Variants in SPOCK1 observed in about 807,000 individuals in gnomAD.
SPOCK1 encodes the protein SPARC (osteonectin), cwcv and kazal like domains proteoglycan 1.
A neutral mutation model predicts 55.3 loss-of-function variants in SPOCK1; 23 were observed. That is an observed-to-expected ratio of 0.42 (90% confidence interval 0.30 to 0.59). The LOEUF (loss-of-function observed/expected upper bound fraction) is 0.59. SPOCK1 is among the 20% of genes least tolerant of loss of function. SPOCK1 has a pLI of 0.22. For missense variants in SPOCK1, 499 were observed against 552.5 expected, an observed-to-expected ratio of 0.90 and a Z score of 0.97; for synonymous variants, 226 against 221.0, an observed-to-expected ratio of 1.02 and a Z score of -0.20.
intron 2 of SPOCK1, among the ~76,000 whole-genome samples, chr5:137,287,961 C>A (rs1233751726): frequency 6.6e-6 from 1 of 152,112 alleles, no homozygotes; most frequent in Admixed American, 6.5e-5. Context: ...AAGAGGTAAT[C>A]AATAATCAAG....
At chr5:137,451,109 AG>A (rs1305307101) in intron 2 of SPOCK1, among the ~76,000 whole-genome samples, 3 of 152,124 alleles carry the variant, frequency 2.0e-5, no homozygotes, top group Non-Finnish European at 4.4e-5. Flanking sequence ...CACCCTACCC[AG>A]GACTCAAACT....
intron 4 of SPOCK1, among the ~76,000 whole-genome samples, chr5:137,138,271 A>G (rs571520434): frequency 1.3e-5 from 2 of 152,324 alleles, no homozygotes; most frequent in South Asian, 4.1e-4. Flanking sequence ...GATGAGGATT[A>G]CAATTTTCAA....
At chr5:137,451,922 T>C (rs1753262408) in intron 2 of SPOCK1, among the ~76,000 whole-genome samples, 1 of 152,258 alleles carries the variant, frequency 6.6e-6, no homozygotes, top group African/African-American at 2.4e-5. Context: ...TTCCCTTATC[T>C]AAAATGCTTG....
At position 137,452,744 on chromosome 5, in the gene SPOCK1, C is replaced by T. The variant is rs930194516; in HGVS notation, c.186+45629G>A. Among the ~76,000 whole-genome samples the T allele has an allele frequency of 4.6e-5, 7 of 152,326 alleles. No individual in the cohort carries two copies. In the East Asian group the frequency reaches 5.8e-4, roughly 13 times the overall value. Reference sequence around the variant, plus strand: ...TGCAAAAGCTATAGTTTCCCTTTTGCTTATGTGGCATCCTTGGCACATGGG... The same window carrying T: ...TGCAAAAGCTATAGTTTCCCTTTTGTTTATGTGGCATCCTTGGCACATGGG... On this transcript the variant is annotated intron_variant, in intron 2 of 10. Transcript: ENST00000394945.
chr5:137,022,324 C>T (rs59547211), intron 6 of SPOCK1, among the ~76,000 whole-genome samples: 15,239 of 152,088 alleles, frequency 0.1, 1,118 homozygotes, highest in East Asian at 0.23. Context: ...CAATGCCAAA[C>T]ATGGAAGAAT....
At chr5:137,212,525 A>G (rs1355757133) in intron 3 of SPOCK1, among the ~76,000 whole-genome samples, 1 of 152,192 alleles carries the variant, frequency 6.6e-6, no homozygotes, top group East Asian at 1.9e-4. Context: ...TGTGTCAGGC[A>G]CTGTGGATTC....
At chr5:137,020,365 T>G (rs1751541727) in intron 6 of SPOCK1, among the ~76,000 whole-genome samples, 1 of 151,710 alleles carries the variant, frequency 6.6e-6, no homozygotes, top group Non-Finnish European at 1.5e-5. Context: ...TTATCAAAAT[T>G]CAAAAAAGAC....
intron 6 of SPOCK1, among the ~76,000 whole-genome samples, chr5:137,044,139 G>A (rs1174941709): frequency 6.6e-6 from 1 of 152,222 alleles, no homozygotes; most frequent in Non-Finnish European, 1.5e-5. Context: ...GGGGAACACA[G>A]TGTTCTAAGC....
intron 3 of SPOCK1, among the ~76,000 whole-genome samples, chr5:137,173,683 G>C (rs1754798010): frequency 6.6e-6 from 1 of 152,248 alleles, no homozygotes; most frequent in Admixed American, 6.5e-5. Context: ...TAGTTTGAAT[G>C]GCATATGAGG....
chr5:137,107,593 T>C (rs1753393147), intron 5 of SPOCK1, among the ~76,000 whole-genome samples: 1 of 152,222 alleles, frequency 6.6e-6, no homozygotes, highest in African/African-American at 2.4e-5. Flanking sequence ...TCTGTGCACT[T>C]TATCTTTGAT....
chr5:137,129,416 A>G (rs1368504015), intron 4 of SPOCK1, among the ~76,000 whole-genome samples: 2 of 152,226 alleles, frequency 1.3e-5, no homozygotes, highest in African/African-American at 4.8e-5. Context: ...AAAAGAGTTT[A>G]ATGCGGAGCT....
intron 3 of SPOCK1, among the ~76,000 whole-genome samples, chr5:137,201,721 C>G (rs528471983): frequency 3.3e-4 from 50 of 152,258 alleles, no homozygotes; most frequent in African/African-American, 1.2e-3. Context: ...AAAGATAATG[C>G]TGCACCACAC....
At chr5:137,311,233 T>G (rs973638022) in intron 2 of SPOCK1, among the ~76,000 whole-genome samples, 1 of 152,156 alleles carries the variant, frequency 6.6e-6, no homozygotes, top group African/African-American at 2.4e-5. Flanking sequence ...ACAAAAGCAC[T>G]GATCCCAGAA....
intron 2 of SPOCK1, among the ~76,000 whole-genome samples, chr5:137,428,524 G>A (rs1443457338): frequency 6.6e-6 from 1 of 152,146 alleles, no homozygotes; most frequent in Non-Finnish European, 1.5e-5. Context: ...CACTGTTTGT[G>A]TCAACCATTT....
intron 6 of SPOCK1, among the ~76,000 whole-genome samples, chr5:137,032,285 G>C (rs1304100640): frequency 1.3e-5 from 2 of 152,122 alleles, no homozygotes; most frequent in Non-Finnish European, 2.9e-5. Context: ...CAGTAGGTTA[G>C]CGTGGCTTCA....
intron 6 of SPOCK1, among the ~76,000 whole-genome samples, chr5:137,062,809 CTTTA>C (rs1752419033): frequency 6.6e-6 from 1 of 152,052 alleles, no homozygotes; most frequent in Admixed American, 6.6e-5. Context: ...CTGTGTTTTC[CTTTA>C]TTTGTTTTTT....
intron 3 of SPOCK1, among the ~76,000 whole-genome samples, chr5:137,145,993 A>AT (rs2127054938): frequency 6.6e-6 from 1 of 152,354 alleles, no homozygotes; most frequent in South Asian, 2.1e-4. Context: ...CACAGGGACC[A>AT]TGCTGGGGAG....
intron 3 of SPOCK1, among the ~76,000 whole-genome samples, chr5:137,258,134 T>C (rs4976428): frequency 0.45 from 68,979 of 152,084 alleles, 16,301 homozygotes; most frequent in Non-Finnish European, 0.51. Flanking sequence ...AATCAGGAGT[T>C]TTACCCCTCA....
intron 6 of SPOCK1, among the ~76,000 whole-genome samples, chr5:137,025,039 G>A (rs1417694391): frequency 6.6e-6 from 1 of 152,158 alleles, no homozygotes; most frequent in African/African-American, 2.4e-5. Context: ...CCACTTATAT[G>A]AGGTATCAAA....
Sources: allele counts gnomAD v4.1 joint callset (sites outside exome capture counted in the v4.1 genomes callset), GRCh38; gene constraint gnomAD v4.1.1; transcripts MANE v1.5; gene names NCBI Gene and HGNC (gene_info 2026-07-23, HGNC 2026-07-21).